LARP1: variants seen among roughly 807,000 people sequenced by gnomAD.
LARP1 encodes La ribonucleoprotein 1, translational regulator.
Under a neutral mutation model 122.7 loss-of-function variants are expected in LARP1, and 36 were observed. That is an observed-to-expected ratio of 0.29 (90% confidence interval 0.22 to 0.39). The LOEUF is 0.39. Among genes scored for constraint, LARP1 ranks in the 10% least tolerant of loss-of-function variants. The pLI is 1.00. For synonymous variants in LARP1, 539 were observed against 528.7 expected (o/e 1.02, Z -0.27); for missense variants, 1,040 against 1,403.6 (o/e 0.74, Z 4.14).
chr5:154,804,437 C>A (rs1038139971), intron 14 of LARP1, 130 bp downstream of exon 14: 3 of 713,908 alleles, frequency 4.2e-6, no homozygotes, highest in Non-Finnish European at 7.2e-6. Context: ...TTTCAAAAAA[C>A]CAGTGGTGTG....
At chr5:154,753,912 T>G (rs1003431660), upstream of LARP1, among the ~76,000 whole-genome samples, 2 of 152,164 alleles carry the variant, frequency 1.3e-5, no homozygotes, top group Non-Finnish European at 2.9e-5. Context: ...GTGCTCTAAT[T>G]CTTGTTTTGG....
intron 1 of LARP1, among the ~76,000 whole-genome samples, chr5:154,788,187 G>A (rs1757039338): frequency 6.6e-6 from 1 of 152,186 alleles, no homozygotes; most frequent in Admixed American, 6.5e-5. Context: ...GGACTAGATG[G>A]TATTAGGCTC....
intron 1 of LARP1, among the ~76,000 whole-genome samples, chr5:154,789,455 G>A (rs62382168): frequency 0.034 from 5,113 of 151,862 alleles, 117 homozygotes; most frequent in Non-Finnish European, 0.053. Flanking sequence ...TCCTGACCTC[G>A]GGTGATCCAC....
chr5:154,697,092 A>G (rs1016822967), intron 1 of LARP1, among the ~76,000 whole-genome samples: 1 of 152,176 alleles, frequency 6.6e-6, no homozygotes, highest in African/African-American at 2.4e-5. Flanking sequence ...TAAGCTGTCA[A>G]TTTACATTGC....
chr5:154,691,763 G>T (rs1754224608), intron 1 of LARP1, among the ~76,000 whole-genome samples: 1 of 152,006 alleles, frequency 6.6e-6, no homozygotes, highest in African/African-American at 2.4e-5. Context: ...GGCCGCGGGT[G>T]AGCGTTGTCA....
intron 1 of LARP1, among the ~76,000 whole-genome samples, chr5:154,697,492 G>A (rs1170061478): frequency 3.3e-5 from 5 of 152,160 alleles, no homozygotes; most frequent in Non-Finnish European, 5.9e-5. Context: ...TCATAATAGC[G>A]AAAATGTGTC....
At chr5:154,769,040 CA>C (rs765244153) in intron 1 of LARP1, among the ~76,000 whole-genome samples, 6 of 151,870 alleles carry the variant, frequency 4.0e-5, no homozygotes, top group Non-Finnish European at 5.9e-5. Flanking sequence ...GGTTTTGCCA[CA>C]CTGGCCAGGC....
rs1302451745 is a variant in LARP1 at position 154,792,673 on chromosome 5, A to T, written c.616A>T (p.Met206Leu). The T allele has an allele frequency of 1.9e-6, 3 of 1,614,210 alleles. No individual in the cohort carries two copies. The change falls in exon 4 of 19, where the codon ATG becomes TTG. Residue 206 changes from methionine (M) to leucine (L), a missense_variant. Physicochemically the swap from Met to Leu is conservative, Grantham distance 15. This residue lies in a region of LARP1 where 257 missense variants were observed against 273.3 expected (regional missense o/e 0.94). Coordinates refer to ENST00000518297, the MANE Select transcript of LARP1 (RefSeq NM_033551.3). ...PTRKLPPKKD[M>L]KEQEKGEGSD... ...CCGTAAACTGCCACCCAAGAAGGAC[A>T]TGAAGGAACAGGAGAAAGGAGAAGG... is the stretch of plus-strand genomic sequence containing the variant.
chr5:154,802,238 C>A lies in LARP1; in HGVS notation c.1948C>A (p.Pro650Thr). The change falls in exon 11 of 19, where the codon CCA becomes ACA. Residue 650 changes from proline to threonine, a missense_variant. Physicochemically the swap from Pro to Thr is conservative, Grantham distance 38 (BLOSUM62 -1). Around this residue, in one of 8 missense-constraint regions of LARP1, gnomAD observed 362 missense variants for 533.1 expected, o/e 0.68. Transcript: ENST00000518297. The surrounding 1 kb of genome is among the most constrained non-coding windows in gnomAD (Gnocchi z 5.1). ...VNKILIVTQT[P>T]HYMRRHPGGD... ...CAAGATCCTCATTGTCACCCAGACA[C>A]CACATTACATGCGCCGGCACCCAGG... is the stretch of plus-strand genomic sequence containing the variant. 1 of 1,614,200 alleles carries A rather than the reference C, an allele frequency of 6.2e-7. No individual in the cohort carries two copies. Among genetic ancestry groups the A allele is most frequent in the African/African-American group, 1.3e-5 (1 of 75,048 alleles).
At chr5:154,748,582 A>T (rs1440679659) in intron 1 of LARP1, among the ~76,000 whole-genome samples, 1 of 152,244 alleles carries the variant, frequency 6.6e-6, no homozygotes, top group Non-Finnish European at 1.5e-5. Context: ...TTGAAGGACA[A>T]GTAGAATTCA....
Position 154,806,826 on chromosome 5 carries a change from A to G in LARP1, c.2698+794A>G, listed in dbSNP as rs546063581. Among the ~76,000 whole-genome samples, 11 of 152,364 alleles carry G rather than the reference A, an allele frequency of 7.2e-5. No homozygotes were observed. In the South Asian group the frequency reaches 2.3e-3, roughly 32 times the overall value. On this transcript the variant is annotated intron_variant, in intron 15 of 18. Transcript: ENST00000518297. ...AGCTTTATTGGGATATAATCTACAT[A>G]TGATGGAACATACCTAAAGAATACA... is the stretch of plus-strand genomic sequence containing the variant.
intron 1 of LARP1, among the ~76,000 whole-genome samples, chr5:154,767,000 A>T (rs535361709): frequency 6.6e-6 from 1 of 152,234 alleles, no homozygotes; most frequent in African/African-American, 2.4e-5. Context: ...GGAGTTGTTC[A>T]GGATTCCAGT....
chr5:154,742,262 C>CA (rs1752924927), intron 1 of LARP1, among the ~76,000 whole-genome samples: 1 of 152,034 alleles, frequency 6.6e-6, no homozygotes, highest in African/African-American at 2.4e-5. Context: ...CCTTTCTCTA[C>CA]AAAAAATACA....
intron 1 of LARP1, among the ~76,000 whole-genome samples, chr5:154,783,219 G>C (rs1318065021): frequency 6.6e-6 from 1 of 152,220 alleles, no homozygotes; most frequent in African/African-American, 2.4e-5. Context: ...CCCCTGAGCA[G>C]CCTCTGGGAG....
At chr5:154,710,989 G>C (rs1217816907), upstream of LARP1, among the ~76,000 whole-genome samples, 1 of 152,004 alleles carries the variant, frequency 6.6e-6, no homozygotes, top group African/African-American at 2.4e-5. Context: ...AAAAATCAGA[G>C]TAAAAAATTC....
upstream of LARP1, among the ~76,000 whole-genome samples, chr5:154,751,273 G>A (rs949765618): frequency 3.9e-5 from 6 of 152,146 alleles, no homozygotes; most frequent in African/African-American, 1.4e-4. Context: ...TGCTGCCTAT[G>A]ATGCTGAGTA....
chr5:154,809,196 G>A (rs1407125102), intron 16 of LARP1, among the ~76,000 whole-genome samples: 2 of 151,630 alleles, frequency 1.3e-5, no homozygotes, highest in Non-Finnish European at 2.9e-5. Flanking sequence ...CTGGCTGGGT[G>A]GCTCACGCCT....
intron 1 of LARP1, among the ~76,000 whole-genome samples, chr5:154,715,702 G>A (rs367976696): frequency 2.2e-4 from 33 of 152,286 alleles, no homozygotes; most frequent in African/African-American, 7.5e-4. Context: ...ATCTGAGTTA[G>A]AGTTCCAGGG....
At chr5:154,688,667 A>AAAG (rs1444600110) in intron 1 of LARP1, among the ~76,000 whole-genome samples, 1 of 151,112 alleles carries the variant, frequency 6.6e-6, no homozygotes, top group Non-Finnish European at 1.5e-5. Context: ...AAAAAAAAAA[A>AAAG]AAAAAAAAAT....
Sources: allele counts gnomAD v4.1 joint callset (sites outside exome capture counted in the v4.1 genomes callset), GRCh38; gene constraint gnomAD v4.1.1; regional missense constraint gnomAD v4.1.1; non-coding constraint Gnocchi (gnomAD v3.1); transcripts MANE v1.5; gene names NCBI Gene and HGNC (gene_info 2026-07-23, HGNC 2026-07-21).